The following WWC2 variants were observed in gnomAD, a reference collection of about 807,000 sequenced individuals.
The protein encoded by WWC2 is WW and C2 domain containing 2, also known as protein WWC2.
WWC2 carries 101 observed loss-of-function variants against 138.5 expected under a neutral mutation model. That is an observed-to-expected ratio of 0.73 (90% CI 0.62 to 0.86). WWC2 has a LOEUF of 0.86. Ranked by LOEUF, WWC2 falls within the 40% of genes least tolerant of loss-of-function variation. The pLI is 0.00. For synonymous variants in WWC2, 558 were observed against 538.4 expected (o/e 1.04, Z -0.50); for missense variants, 1,420 against 1,419.4 (o/e 1.00, Z -0.01).
At chr4:183,101,944 A>G (rs755817424) in intron 1 of WWC2, among the ~76,000 whole-genome samples, 6 of 152,220 alleles carry the variant, frequency 3.9e-5, no homozygotes, top group Admixed American at 2.0e-4. Flanking sequence ...TTGATAGTCT[A>G]TCAGAATTTG....
At chr4:183,201,819 G>A (rs1041714233) in intron 2 of WWC2, among the ~76,000 whole-genome samples, 5 of 152,168 alleles carry the variant, frequency 3.3e-5, no homozygotes, top group African/African-American at 1.2e-4. Context: ...ATCAGGAACA[G>A]GTTCTTACGT....
intron 1 of WWC2, among the ~76,000 whole-genome samples, chr4:183,134,932 AT>A (rs971495396): frequency 1.6e-3 from 229 of 143,880 alleles, no homozygotes; most frequent in Admixed American, 1.8e-3. Context: ...TATGATCTTT[AT>A]TTTTTTTTTT....
chr4:183,259,766 C>A, intron 10 of WWC2, 38 bp downstream of exon 10: 1 of 1,353,084 alleles, frequency 7.4e-7, no homozygotes, highest in Non-Finnish European at 1.0e-6. Context: ...AGCTTTTCTC[C>A]GAATAGCATG....
intron 21 of WWC2, among the ~76,000 whole-genome samples, chr4:183,295,481 G>A (rs1387739165): frequency 6.6e-6 from 1 of 152,232 alleles, no homozygotes; most frequent in African/African-American, 2.4e-5. Context: ...CCTTAGCGTA[G>A]CTTGGCCATG....
chr4:183,263,542 A>G (rs1417299528), intron 11 of WWC2, among the ~76,000 whole-genome samples: 2 of 152,250 alleles, frequency 1.3e-5, no homozygotes, highest in Non-Finnish European at 2.9e-5. Context: ...AAGAGAAAAT[A>G]CATCCAAGAG....
chr4:183,149,277 A>G (rs1450289509), intron 1 of WWC2, among the ~76,000 whole-genome samples: 1 of 152,176 alleles, frequency 6.6e-6, no homozygotes, highest in Non-Finnish European at 1.5e-5. Flanking sequence ...CTTTAGGAAT[A>G]CATGCTTGGG....
At chr4:183,153,393 A>G (rs1229016966) in intron 1 of WWC2, among the ~76,000 whole-genome samples, 1 of 152,196 alleles carries the variant, frequency 6.6e-6, no homozygotes, top group Non-Finnish European at 1.5e-5. Flanking sequence ...AGGAATGTGA[A>G]GACTGTGTCA....
intron 1 of WWC2, among the ~76,000 whole-genome samples, chr4:183,152,354 C>G (rs1252995736): frequency 6.6e-6 from 1 of 151,836 alleles, no homozygotes; most frequent in Non-Finnish European, 1.5e-5. Context: ...AAAAAATTAG[C>G]TTGGCATGTA....
At chr4:183,258,220 A>G (rs987684502) in intron 9 of WWC2, among the ~76,000 whole-genome samples, 21 of 152,280 alleles carry the variant, frequency 1.4e-4, no homozygotes, top group African/African-American at 5.1e-4. Context: ...TGCACTTTTA[A>G]TTCAGTTAGT....
In WWC2 at chr4:183,289,644, C is replaced by T. The variant is rs754547325; in HGVS notation, c.3384+9C>T. The T allele has an allele frequency of 1.9e-6, 3 of 1,612,392 alleles. No individual in the cohort carries two copies. The highest frequency in any genetic ancestry group is 2.2e-5 in the East Asian group (1 of 44,872). On this transcript the variant is annotated intron_variant, in intron 21 of 22. Transcript: ENST00000403733. The stretch of plus-strand genomic sequence containing the variant: ...AGCAAGCTGAGAAGCAGGTACGCAG[C>T]TCAGGGTCTGTCATCTCGGAGGGGC...
At chr4:183,284,506 A>C in intron 19 of WWC2, 116 bp downstream of exon 19, 1 of 1,149,126 alleles carries the variant, frequency 8.7e-7, no homozygotes, top group East Asian at 2.4e-5. Flanking sequence ...ACAACGACAA[A>C]TGCTAGAAAT....
chr4:183,248,464 T>C (rs1361208216), intron 6 of WWC2, among the ~76,000 whole-genome samples: 3 of 152,224 alleles, frequency 2.0e-5, no homozygotes, highest in African/African-American at 4.8e-5. Context: ...ATACCGTTCA[T>C]AGGAAAATGC....
Position 183,160,500 on chromosome 4 carries a change from CAAAAT to C in WWC2, c.132-33093_132-33089del, listed in dbSNP as rs376004259. On this transcript the variant is annotated intron_variant, in intron 1 of 22. Transcript: ENST00000403733. The stretch of plus-strand genomic sequence containing the variant: ...GAATCAGTCCTGTGAATATAAAAAA[CAAAAT>C]AAAATCAAGTCACTATGTTTTAGTT... 6.6e-3 allele frequency among the ~76,000 whole-genome samples: 1,002 copies of C among 152,206 alleles called. 9 individuals carry two copies. Among genetic ancestry groups the C allele is most frequent in the East Asian group, 0.012 (62 of 5,172 alleles).
Position 183,265,038 on chromosome 4 carries a change from G to T in WWC2, c.1970G>T (p.Cys657Phe), listed in dbSNP as rs749312828. ...VIHLLGEKTTCVSAAVSDESV... is the reference protein window; with the variant it reads ...VIHLLGEKTTFVSAAVSDESV... ...CACTTGCTTGGGGAGAAAACCACTT[G>T]TGTGTCGGCTGCTGTGTCTGATGAG... is the stretch of plus-strand genomic sequence containing the variant. The change falls in exon 12 of 23, where the codon TGT becomes TTT. Residue 657 changes from cysteine (C) to phenylalanine (F), a missense_variant. Cys to Phe is a radical substitution (Grantham distance 205). Transcript: ENST00000403733. 6.2e-7 allele frequency: 1 copy of T among 1,613,758 alleles called. No individual in the cohort carries two copies.
intron 1 of WWC2, among the ~76,000 whole-genome samples, chr4:183,159,243 A>C (rs559315268): frequency 6.6e-6 from 1 of 152,310 alleles, no homozygotes; most frequent in South Asian, 2.1e-4. Context: ...AGGTAATTTG[A>C]AATTACTCTA....
At position 183,263,283 on chromosome 4, in the gene WWC2, A is replaced by C. The variant is rs533062159; in HGVS notation, c.1910-1695A>C. Among the ~76,000 whole-genome samples the C allele has an allele frequency of 2.0e-5, 3 of 152,256 alleles. No individual in the cohort carries two copies. In the East Asian group the frequency reaches 5.8e-4, roughly 29 times the overall value. On this transcript the variant is annotated intron_variant, in intron 11 of 22. Transcript: ENST00000403733. ...TTGGAGGGGCAGTAAGTGAGGCTGG[A>C]TGCTGGAGAAGAGGGGAGAGAGTGA...
chr4:183,258,293 A>T (rs989925919), intron 9 of WWC2, among the ~76,000 whole-genome samples: 1 of 152,172 alleles, frequency 6.6e-6, no homozygotes, highest in Non-Finnish European at 1.5e-5. Flanking sequence ...TTTTAAAATG[A>T]CCGCTGCTTT....
At chr4:183,270,478 A>G (rs1210529367) in intron 15 of WWC2, among the ~76,000 whole-genome samples, 1 of 152,020 alleles carries the variant, frequency 6.6e-6, no homozygotes, top group African/African-American at 2.4e-5. Context: ...AAGAAGTACT[A>G]TGAGGCCGGG....
chr4:183,262,435 G>A (rs7438080), intron 11 of WWC2, among the ~76,000 whole-genome samples: 18,167 of 152,250 alleles, frequency 0.12, 1,354 homozygotes, highest in South Asian at 0.23. Context: ...GTTCCCAGAA[G>A]CATTTTTATT....
Sources: gnomAD v4.1 joint callset for allele counts (sites outside exome capture counted in the v4.1 genomes callset) on GRCh38, gnomAD v4.1.1 for gene constraint, MANE v1.5 for transcripts, NCBI Gene and HGNC (gene_info 2026-07-23, HGNC 2026-07-21) for gene names.